The following CSTPP1 variants were observed in gnomAD, a reference collection of about 807,000 sequenced individuals.
CSTPP1 encodes the protein centriolar satellite-associated tubulin polyglutamylase complex regulator 1, also known as UPF0705 protein C11orf49.
At chr11:46,963,343 GA>G in the CSTPP1 span, among the ~76,000 whole-genome samples, 1 of 145,062 alleles carries the variant, frequency 6.9e-6, no homozygotes, top group South Asian at 2.2e-4. Context: ...TTTTTTTCAT[GA>G]AAGGATGTTA....
the CSTPP1 span, among the ~76,000 whole-genome samples, chr11:47,037,013 A>G: frequency 1.6e-5 from 2 of 126,884 alleles, 1 homozygote; most frequent in African/African-American, 5.0e-5. Flanking sequence ...GGCTTCTTGG[A>G]TAAATGGCTG....
At chr11:47,003,812 A>T in the CSTPP1 span, among the ~76,000 whole-genome samples, 1 of 152,252 alleles carries the variant, frequency 6.6e-6, no homozygotes, top group Non-Finnish European at 1.5e-5. Context: ...CCGTAGAAGC[A>T]GACTTGAAAT....
chr11:47,038,230 G>A, the CSTPP1 span, among the ~76,000 whole-genome samples: 3 of 112,380 alleles, frequency 2.7e-5, 1 homozygote, highest in Non-Finnish European at 4.4e-5. Flanking sequence ...GGGGCGGCCG[G>A]CCAGAGGCGC....
At chr11:47,161,451 T>C in the CSTPP1 span, 243 of 1,613,458 alleles carry the variant, frequency 1.5e-4, 1 homozygote, top group South Asian at 2.0e-4. Context: ...TCCAGGCTTC[T>C]TCCCTTCTTC....
At chr11:47,141,613 A>C in the CSTPP1 span, among the ~76,000 whole-genome samples, 2 of 150,638 alleles carry the variant, frequency 1.3e-5, no homozygotes, top group African/African-American at 2.4e-5. Flanking sequence ...TCTTTAAAAA[A>C]AAAAAAAATC....
the CSTPP1 span, among the ~76,000 whole-genome samples, chr11:47,044,948 C>CA: frequency 6.6e-6 from 1 of 151,760 alleles, no homozygotes; most frequent in Non-Finnish European, 1.5e-5. Flanking sequence ...CCTGAACTGA[C>CA]AAAAAACAGA....
At chr11:47,088,254 T>G in the CSTPP1 span, among the ~76,000 whole-genome samples, 5 of 152,338 alleles carry the variant, frequency 3.3e-5, no homozygotes, top group South Asian at 1.0e-3. Flanking sequence ...TAAAAAGTAC[T>G]CAGTACAGTG....
the CSTPP1 span, among the ~76,000 whole-genome samples, chr11:46,973,859 A>G: frequency 2.0e-5 from 3 of 152,066 alleles, no homozygotes; most frequent in South Asian, 2.1e-4. Context: ...AAAAACATTC[A>G]TATTTTTATA....
the CSTPP1 span, chr11:47,161,251 G>A: frequency 1.9e-6 from 3 of 1,613,104 alleles, no homozygotes; most frequent in African/African-American, 1.3e-5. Context: ...GGACACGGCT[G>A]TGCCCCATCT....
the CSTPP1 span, among the ~76,000 whole-genome samples, chr11:47,077,196 G>GTTT: frequency 3.0e-5 from 4 of 135,520 alleles, no homozygotes; most frequent in Non-Finnish European, 3.3e-5. Flanking sequence ...GGATAAAGTT[G>GTTT]TTTTTTTTTT....
the CSTPP1 span, among the ~76,000 whole-genome samples, chr11:47,082,023 A>G: frequency 3.3e-5 from 5 of 149,310 alleles, no homozygotes; most frequent in Non-Finnish European, 7.4e-5. Context: ...TGCCATTCGT[A>G]GCAATAGTCT....
chr11:47,044,455 G>A, the CSTPP1 span, among the ~76,000 whole-genome samples: 5 of 152,166 alleles, frequency 3.3e-5, no homozygotes, highest in African/African-American at 1.2e-4. Context: ...TTGCAGAATT[G>A]TAGAATCTGC....
chr11:47,053,619 C>CA, the CSTPP1 span, among the ~76,000 whole-genome samples: 4,678 of 96,406 alleles, frequency 0.049, 89 homozygotes, highest in Non-Finnish European at 0.055. Flanking sequence ...GACTCTGCCT[C>CA]AAAAAAAAAA....
the CSTPP1 span, among the ~76,000 whole-genome samples, chr11:46,967,885 CT>C: frequency 6.6e-6 from 1 of 151,580 alleles, no homozygotes; most frequent in African/African-American, 2.4e-5. Context: ...ATCAAATTAA[CT>C]TTTATTAATG....
the CSTPP1 span, among the ~76,000 whole-genome samples, chr11:47,046,631 T>C: frequency 6.6e-6 from 1 of 150,644 alleles, no homozygotes; most frequent in Non-Finnish European, 1.5e-5. Context: ...TTCAACACAA[T>C]TTTCTTTTCT....
At chr11:47,048,699 TA>T in the CSTPP1 span, among the ~76,000 whole-genome samples, 1 of 152,248 alleles carries the variant, frequency 6.6e-6, no homozygotes, top group East Asian at 1.9e-4. Context: ...TGTTGTTGTT[TA>T]ATTGATGTAG....
the CSTPP1 span, among the ~76,000 whole-genome samples, chr11:46,967,934 A>G: frequency 6.6e-6 from 1 of 152,034 alleles, no homozygotes; most frequent in Non-Finnish European, 1.5e-5. Flanking sequence ...AAAAATTTAG[A>G]AAAGGGGCTC....
At chr11:47,090,993 C>A in the CSTPP1 span, among the ~76,000 whole-genome samples, 2 of 139,958 alleles carry the variant, frequency 1.4e-5, no homozygotes, top group South Asian at 4.5e-4. Flanking sequence ...GAGCCGAGAT[C>A]ACACAACTGC....
chr11:47,145,824 A>G, the CSTPP1 span, among the ~76,000 whole-genome samples: 1 of 152,046 alleles, frequency 6.6e-6, no homozygotes, highest in Non-Finnish European at 1.5e-5. Flanking sequence ...AGATGGGGGC[A>G]GTGATCTTGC....
Sources: gnomAD v4.1 joint callset for allele counts (sites outside exome capture counted in the v4.1 genomes callset) on GRCh38, gnomAD v4.1.1 for gene constraint, MANE v1.5 for transcripts, NCBI Gene and HGNC (gene_info 2026-07-23, HGNC 2026-07-21) for gene names.